PHF2: variants seen among roughly 807,000 people sequenced by gnomAD.
PHF2 encodes lysine-specific demethylase PHF2.
A neutral mutation model predicts 120.5 loss-of-function variants in PHF2; 27 were observed. The ratio of observed to expected loss-of-function variants is 0.22; its 90% CI spans 0.17 to 0.31. The LOEUF is 0.31. Among genes scored for constraint, PHF2 ranks in the 10% least tolerant of loss-of-function variants. The probability of loss-of-function intolerance (pLI) is 1.00; values close to 1 mark genes in which losing one functional copy is unlikely to be tolerated. For synonymous variants in PHF2, 568 were observed against 592.5 expected, an observed-to-expected ratio of 0.96 and a Z score of 0.60; for missense variants, 1,024 against 1,434.8, an observed-to-expected ratio of 0.71 and a Z score of 4.63.
intron 1 of PHF2, among the ~76,000 whole-genome samples, chr9:93,616,033 G>A (rs1459765833): frequency 2.6e-5 from 4 of 152,190 alleles, no homozygotes; most frequent in Non-Finnish European, 5.9e-5. Flanking sequence ...GAAAGACATG[G>A]CCATTGCCTA....
intron 20 of PHF2, among the ~76,000 whole-genome samples, chr9:93,676,258 G>A (rs1392623069): frequency 2.0e-5 from 3 of 152,170 alleles, no homozygotes; most frequent in Non-Finnish European, 4.4e-5. Flanking sequence ...ACCTCATCTG[G>A]GCACACAAGG....
intron 1 of PHF2, among the ~76,000 whole-genome samples, chr9:93,596,325 T>C (rs1053477870): frequency 2.0e-5 from 3 of 152,120 alleles, no homozygotes; most frequent in African/African-American, 7.2e-5. Context: ...CCTGCATTTT[T>C]CATTTAGCCC....
chr9:93,605,318 A>G (rs1825520928), intron 1 of PHF2, among the ~76,000 whole-genome samples: 1 of 152,168 alleles, frequency 6.6e-6, no homozygotes, highest in Admixed American at 6.5e-5. Context: ...GCTGGACTCA[A>G]GCAGTCCTCC....
intron 10 of PHF2, among the ~76,000 whole-genome samples, chr9:93,658,838 C>T (rs372252072): frequency 9.2e-5 from 14 of 152,168 alleles, no homozygotes; most frequent in African/African-American, 2.4e-4. Flanking sequence ...CCATCCTGTG[C>T]GCGCCCCCAC....
intron 1 of PHF2, among the ~76,000 whole-genome samples, chr9:93,592,281 T>G (rs982970739): frequency 2.4e-4 from 37 of 152,110 alleles, no homozygotes; most frequent in Non-Finnish European, 2.9e-5. Context: ...GGGCTGCTGG[T>G]CCCCACTGTG....
In PHF2 at chr9:93,654,584, G is replaced by C; in HGVS notation, c.952+9G>C. The stretch of plus-strand genomic sequence containing the variant: ...CCTCTTCATCCCCTCAGGTGAGTGC[G>C]GGCAGCTTTGGGGACCATGTACTAG... On this transcript the variant is annotated intron_variant, in intron 7 of 21. Transcript: ENST00000359246. 2 of 1,610,710 alleles carry C rather than the reference G, an allele frequency of 1.2e-6. No individual in the cohort carries two copies. The highest frequency in any genetic ancestry group is 1.7e-6 in the Non-Finnish European group (2 of 1,178,180).
At chr9:93,609,313 C>A (rs1825596271) in intron 1 of PHF2, among the ~76,000 whole-genome samples, 1 of 152,016 alleles carries the variant, frequency 6.6e-6, no homozygotes, top group South Asian at 2.1e-4. Flanking sequence ...TCTGCTAGAT[C>A]AAGAATAAGA....
chr9:93,674,070 G>A (rs1826863894), intron 18 of PHF2, among the ~76,000 whole-genome samples: 1 of 152,188 alleles, frequency 6.6e-6, no homozygotes, highest in Admixed American at 6.5e-5. Context: ...CTTGGGCTTC[G>A]TGGTGGGGCC....
At chr9:93,659,238 C>T (rs556926563) in intron 10 of PHF2, among the ~76,000 whole-genome samples, 8 of 152,332 alleles carry the variant, frequency 5.3e-5, no homozygotes, top group Non-Finnish European at 1.2e-4. Context: ...GGAGTGGCCT[C>T]TGACCAGGAA....
chr9:93,630,741 G>T (rs1343484037), intron 2 of PHF2, among the ~76,000 whole-genome samples: 1 of 152,198 alleles, frequency 6.6e-6, no homozygotes, highest in African/African-American at 2.4e-5. Context: ...TGGTTGCAGA[G>T]GGGGAGCTGT....
chr9:93,655,882 G>A (rs984784306), intron 7 of PHF2, 52 bp from the exon 8 acceptor site: 5 of 1,364,094 alleles, frequency 3.7e-6, no homozygotes, highest in East Asian at 2.4e-5. Context: ...GCCATGAGAA[G>A]CCCGTTCATG....
At chr9:93,604,609 C>G (rs1399296885) in intron 1 of PHF2, among the ~76,000 whole-genome samples, 6 of 151,802 alleles carry the variant, frequency 4.0e-5, no homozygotes, top group African/African-American at 1.2e-4. Flanking sequence ...GGACTACAGG[C>G]GCCCGCCACC....
Position 93,677,769 on chromosome 9 carries a change from C to A in PHF2, c.*93C>A, listed in dbSNP as rs41276204. ...CCAGGAGGGTGCCGAGCTGCCTCAC[C>A]AGGGAGGGCCTTGCCTCTTCCCGGC... On this transcript the variant is annotated 3_prime_UTR_variant, in exon 22 of 22. Coordinates refer to ENST00000359246, the MANE Select transcript of PHF2 (RefSeq NM_005392.4). This position sits in a 1 kb window ranked among gnomAD's most constrained non-coding sequence, Gnocchi z 4.4. 130,446 of 882,284 alleles carry A rather than the reference C, an allele frequency of 0.15. 10,527 individuals carry two copies. The highest frequency in any genetic ancestry group is 0.17 in the Non-Finnish European group (94,479 of 547,874). 54.7% of individuals were successfully genotyped at this position (882,284 alleles called of 1,614,324 possible).
intron 10 of PHF2, 57 bp from the exon 11 acceptor site, chr9:93,659,454 G>GT: frequency 7.1e-7 from 1 of 1,408,364 alleles, no homozygotes; most frequent in South Asian, 1.2e-5. Flanking sequence ...GAATGCAGGG[G>GT]TAAGTCAGGA....
chr9:93,662,321 G>A (rs1826585359), intron 12 of PHF2, among the ~76,000 whole-genome samples: 1 of 151,524 alleles, frequency 6.6e-6, no homozygotes, highest in South Asian at 2.1e-4. Context: ...GTGGATGGGT[G>A]GATGAATTAA....
chr9:93,601,432 T>C lies in PHF2; in HGVS notation c.98+24561T>C, dbSNP rs200533134. ...AAGTTTGCAAACAGGCTGTGGCAGG[T>C]GGAAAACACACCTAAGAGGGCCTAG... On this transcript the variant is annotated intron_variant, in intron 1 of 21. Transcript: ENST00000359246. Among the ~76,000 whole-genome samples, 16 of 151,906 alleles carry C rather than the reference T, an allele frequency of 1.1e-4. No homozygotes were observed. In the East Asian group the frequency reaches 2.1e-3, roughly 20 times the overall value.
chr9:93,640,275 T>C (rs769861785), intron 3 of PHF2, among the ~76,000 whole-genome samples: 1 of 152,190 alleles, frequency 6.6e-6, no homozygotes, highest in Non-Finnish European at 1.5e-5. Flanking sequence ...AATAAATATT[T>C]ATTCTACTGC....
chr9:93,634,578 C>T (rs1237691991), intron 2 of PHF2, among the ~76,000 whole-genome samples: 2 of 152,232 alleles, frequency 1.3e-5, no homozygotes, highest in Non-Finnish European at 2.9e-5. Context: ...CCTGGCATTG[C>T]CTGGCTCAGG....
intron 1 of PHF2, among the ~76,000 whole-genome samples, chr9:93,626,091 A>G (rs1302998963): frequency 1.3e-5 from 2 of 152,044 alleles, no homozygotes; most frequent in Non-Finnish European, 2.9e-5. Flanking sequence ...GAAAATACAA[A>G]AATTAGCCAG....
Sources: gnomAD v4.1 joint callset for allele counts (sites outside exome capture counted in the v4.1 genomes callset) on GRCh38, gnomAD v4.1.1 for gene constraint, Gnocchi (gnomAD v3.1) non-coding constraint, MANE v1.5 for transcripts, NCBI Gene and HGNC (gene_info 2026-07-23, HGNC 2026-07-21) for gene names.